ATP2B2: variants seen among roughly 807,000 people sequenced by gnomAD.
The protein encoded by ATP2B2 is ATPase plasma membrane Ca2+ transporting 2.
In ATP2B2, 15 loss-of-function variants were observed where a neutral mutation model predicts 120.0. The ratio of observed to expected loss-of-function variants is 0.12; its 90% CI spans 0.08 to 0.19. ATP2B2 has a LOEUF of 0.19. Among genes scored for constraint, ATP2B2 ranks in the 10% least tolerant of loss-of-function variants. ATP2B2 has a pLI of 1.00. For missense variants in ATP2B2, 1,045 were observed against 1,719.8 expected (o/e 0.61, Z 6.94); for synonymous variants, 694 against 700.3 (o/e 0.99, Z 0.14).
chr3:10,415,602 C>T (rs1437156706), intron 2 of ATP2B2, among the ~76,000 whole-genome samples: 2 of 152,206 alleles, frequency 1.3e-5, no homozygotes, highest in Non-Finnish European at 2.9e-5. Context: ...CTGTCATGCC[C>T]TTCCCAGGAG....
chr3:10,659,478 A>C (rs1405393458), intron 1 of ATP2B2, among the ~76,000 whole-genome samples: 1 of 152,206 alleles, frequency 6.6e-6, no homozygotes. Context: ...TAAACAAACT[A>C]AGATCAAAAG....
At chr3:10,566,028 T>G (rs1416333814) in intron 2 of ATP2B2, among the ~76,000 whole-genome samples, 1 of 152,122 alleles carries the variant, frequency 6.6e-6, no homozygotes, top group African/African-American at 2.4e-5. Context: ...CTACTATGTC[T>G]ATTCATCCAT....
chr3:10,351,490 G>A (rs1468250023), intron 14 of ATP2B2, among the ~76,000 whole-genome samples: 1 of 152,206 alleles, frequency 6.6e-6, no homozygotes, highest in Non-Finnish European at 1.5e-5. Flanking sequence ...CTCCAGCCTG[G>A]AAGGGCTCAG....
intron 2 of ATP2B2, among the ~76,000 whole-genome samples, chr3:10,608,103 C>T (rs1464435145): frequency 1.3e-5 from 2 of 152,258 alleles, no homozygotes; most frequent in Non-Finnish European, 2.9e-5. Context: ...GAGCTGTCCC[C>T]TGCTGTCTAC....
chr3:10,625,532 T>G (rs2069673147), intron 1 of ATP2B2, among the ~76,000 whole-genome samples: 1 of 152,200 alleles, frequency 6.6e-6, no homozygotes, highest in Non-Finnish European at 1.5e-5. Flanking sequence ...CTCCCCGGTT[T>G]GAGTTACAGA....
intron 1 of ATP2B2, among the ~76,000 whole-genome samples, chr3:10,664,047 C>T (rs1213364289): frequency 6.6e-6 from 1 of 152,054 alleles, no homozygotes; most frequent in Non-Finnish European, 1.5e-5. Context: ...CTCATGTCCA[C>T]CCCAGAATCT....
intron 3 of ATP2B2, among the ~76,000 whole-genome samples, chr3:10,523,885 C>A (rs951680926): frequency 1.2e-4 from 18 of 151,724 alleles, no homozygotes; most frequent in Admixed American, 3.9e-4. Context: ...CAGGACTAGA[C>A]TGGAGGGAAT....
intron 1 of ATP2B2, among the ~76,000 whole-genome samples, chr3:10,645,860 G>C (rs2070309068): frequency 6.6e-6 from 1 of 152,200 alleles, no homozygotes. Context: ...CAAAGGGTGA[G>C]CTGGGAGGCT....
At chr3:10,419,942 GA>G (rs1439843103) in intron 2 of ATP2B2, among the ~76,000 whole-genome samples, 1 of 152,198 alleles carries the variant, frequency 6.6e-6, no homozygotes, top group East Asian at 1.9e-4. Flanking sequence ...CAGATAAAAC[GA>G]ATGGTGAGTG....
chr3:10,615,742 A>G (rs954483871), intron 2 of ATP2B2, among the ~76,000 whole-genome samples: 6 of 152,058 alleles, frequency 3.9e-5, no homozygotes, highest in Admixed American at 3.9e-4. Flanking sequence ...GATGCTAAGA[A>G]AAATTATTTT....
At chr3:10,692,406 G>A (rs2071681188) in intron 1 of ATP2B2, among the ~76,000 whole-genome samples, 1 of 152,192 alleles carries the variant, frequency 6.6e-6, no homozygotes, top group Admixed American at 6.5e-5. Context: ...TTTTTCTGCA[G>A]CAGGGTAATA....
At chr3:10,659,293 G>C (rs2125677205) in intron 1 of ATP2B2, among the ~76,000 whole-genome samples, 1 of 152,276 alleles carries the variant, frequency 6.6e-6, no homozygotes, top group South Asian at 2.1e-4. Flanking sequence ...AAAAGACACA[G>C]ACTGGCAAAT....
At chr3:10,640,099 A>G (rs1439659951) in intron 1 of ATP2B2, among the ~76,000 whole-genome samples, 7 of 152,224 alleles carry the variant, frequency 4.6e-5, no homozygotes, top group East Asian at 3.9e-4. Flanking sequence ...GTGAATGGGA[A>G]TCAGCCAGCA....
At chr3:10,453,248 G>A (rs548253699) in intron 1 of ATP2B2, among the ~76,000 whole-genome samples, 28 of 152,316 alleles carry the variant, frequency 1.8e-4, no homozygotes, top group African/African-American at 6.5e-4. Context: ...AAGCAGAGGG[G>A]AATAGGAGTA....
intron 3 of ATP2B2, among the ~76,000 whole-genome samples, chr3:10,532,135 T>C (rs1436902617): frequency 4.6e-5 from 7 of 152,164 alleles, no homozygotes; most frequent in South Asian, 2.1e-4. Context: ...CCACTGCACA[T>C]AGATTGTAAT....
intron 1 of ATP2B2, among the ~76,000 whole-genome samples, chr3:10,685,715 G>A (rs767766322): frequency 3.3e-5 from 5 of 152,208 alleles, no homozygotes; most frequent in Non-Finnish European, 5.9e-5. Flanking sequence ...GTGGGCATGT[G>A]TGCACATGCA....
intron 2 of ATP2B2, among the ~76,000 whole-genome samples, chr3:10,546,412 AC>A (rs2067548391): frequency 1.3e-5 from 2 of 151,560 alleles, no homozygotes; most frequent in South Asian, 4.2e-4. Flanking sequence ...CCTTGGGCCC[AC>A]CCTGCCCAGC....
chr3:10,469,254 G>A (rs748324917), intron 1 of ATP2B2, among the ~76,000 whole-genome samples: 4 of 152,248 alleles, frequency 2.6e-5, no homozygotes, highest in Non-Finnish European at 4.4e-5. Context: ...AGCCCTGCAA[G>A]AGGCACTTTT....
chr3:10,523,674 G>T (rs2067029906), intron 3 of ATP2B2, among the ~76,000 whole-genome samples: 1 of 152,120 alleles, frequency 6.6e-6, no homozygotes, highest in Non-Finnish European at 1.5e-5. Context: ...AAAAACCGTG[G>T]TTCACAGGAA....
Sources: gnomAD v4.1 joint callset for allele counts (sites outside exome capture counted in the v4.1 genomes callset) on GRCh38, gnomAD v4.1.1 for gene constraint, MANE v1.5 for transcripts, NCBI Gene and HGNC (gene_info 2026-07-23, HGNC 2026-07-21) for gene names.